Variants in OSBPL6 observed in about 807,000 individuals in gnomAD.
The protein encoded by OSBPL6 is oxysterol-binding protein-related protein 6.
Under a neutral mutation model 125.8 loss-of-function variants are expected in OSBPL6, and 49 were observed. The observed-to-expected ratio is 0.39, with a 90% CI of 0.31 to 0.49. The LOEUF (loss-of-function observed/expected upper bound fraction) is 0.49, where lower values mean the gene tolerates loss of function less well. OSBPL6 is among the 20% of genes least tolerant of loss of function. OSBPL6 has a pLI of 0.88. For missense variants in OSBPL6, 986 were observed against 1,135.4 expected (o/e 0.87, Z 1.89); for synonymous variants, 394 against 391.8 (o/e 1.01, Z -0.07).
At chr2:178,344,472 C>A in intron 11 of OSBPL6, 1 of 970,738 alleles carries the variant, frequency 1.0e-6, no homozygotes, top group Non-Finnish European at 1.6e-6. Flanking sequence ...CACCTGTAGC[C>A]CAATCATGGC....
At chr2:178,391,280 C>T (rs1695383698) in intron 22 of OSBPL6, 63 bp downstream of exon 22, 2 of 1,466,816 alleles carry the variant, frequency 1.4e-6, no homozygotes, top group South Asian at 1.5e-5. Context: ...GGGAAGAGAA[C>T]ATCAGGTCAT....
At chr2:178,361,637 T>C (rs1381909206) in intron 12 of OSBPL6, 45 bp from the exon 13 acceptor site, 1 of 1,605,518 alleles carries the variant, frequency 6.2e-7, no homozygotes, top group East Asian at 2.2e-5. Context: ...GTGTATTCTT[T>C]CTGCACATAT....
chr2:178,359,403 T>C (rs1254198002), intron 12 of OSBPL6, among the ~76,000 whole-genome samples: 1 of 152,136 alleles, frequency 6.6e-6, no homozygotes, highest in Non-Finnish European at 1.5e-5. Flanking sequence ...ACGAGACAAA[T>C]GTCGGCAAGG....
chr2:178,291,730 T>C (rs13423159), intron 2 of OSBPL6, among the ~76,000 whole-genome samples: 1 of 131,400 alleles, frequency 7.6e-6, no homozygotes, highest in African/African-American at 2.8e-5. Context: ...CCCTCCCTCC[T>C]TCCTTTCTTT....
intron 2 of OSBPL6, among the ~76,000 whole-genome samples, chr2:178,299,167 A>C (rs1290000855): frequency 6.6e-6 from 1 of 152,250 alleles, no homozygotes; most frequent in Non-Finnish European, 1.5e-5. Context: ...CCAAGTGATG[A>C]ATCAAAAAGT....
intron 5 of OSBPL6, among the ~76,000 whole-genome samples, chr2:178,330,657 C>T (rs1017358882): frequency 4.6e-5 from 7 of 152,236 alleles, no homozygotes; most frequent in Non-Finnish European, 8.8e-5. Context: ...CGAGGCCTGA[C>T]TGCCTGCCAT....
intron 20 of OSBPL6, 33 bp downstream of exon 20, chr2:178,387,172 G>A (rs1388253179): frequency 2.0e-6 from 3 of 1,507,950 alleles, no homozygotes; most frequent in African/African-American, 2.8e-5. Context: ...TTGGCCTCTT[G>A]TCTGCTTTTC....
intron 1 of OSBPL6, among the ~76,000 whole-genome samples, chr2:178,255,923 A>G (rs146006530): frequency 6.6e-5 from 10 of 152,318 alleles, no homozygotes; most frequent in African/African-American, 9.6e-5. Flanking sequence ...ATTGGAATCC[A>G]TTCAAACTTT....
At chr2:178,281,568 T>G (rs923661645) in intron 1 of OSBPL6, among the ~76,000 whole-genome samples, 16 of 152,172 alleles carry the variant, frequency 1.1e-4, no homozygotes, top group Non-Finnish European at 1.3e-4. Flanking sequence ...TTGTCAGAGA[T>G]CCCATAGTTG....
At chr2:178,377,210 G>T (rs13427758) in intron 15 of OSBPL6, among the ~76,000 whole-genome samples, 2,465 of 152,332 alleles carry the variant, frequency 0.016, 78 homozygotes, top group African/African-American at 0.056. Context: ...CATCTGCTTA[G>T]CTTCAGGAAA....
At chr2:178,389,860 A>G (rs536369104) in intron 21 of OSBPL6, among the ~76,000 whole-genome samples, 1 of 152,334 alleles carries the variant, frequency 6.6e-6, no homozygotes, top group Admixed American at 6.5e-5. Context: ...TAAACAGGTA[A>G]CATATTGGAG....
chr2:178,344,372 T>C, intron 11 of OSBPL6: 1 of 1,613,374 alleles, frequency 6.2e-7, no homozygotes, highest in South Asian at 1.1e-5. Context: ...TGAGTGGATT[T>C]CAATCTCAAG....
chr2:178,203,323 C>T (rs1384880930), intron 1 of OSBPL6, among the ~76,000 whole-genome samples: 4 of 152,108 alleles, frequency 2.6e-5, no homozygotes, highest in Non-Finnish European at 5.9e-5. Flanking sequence ...GGATTATAGG[C>T]TTATACCACT....
At chr2:178,318,122 G>A (rs544579341) in intron 3 of OSBPL6, among the ~76,000 whole-genome samples, 53 of 152,312 alleles carry the variant, frequency 3.5e-4, no homozygotes, top group African/African-American at 1.3e-3. Flanking sequence ...TTAAAAAGCT[G>A]TTTATTCCCA....
In OSBPL6 at chr2:178,253,962, G is replaced by A. The variant is rs529460636; in HGVS notation, c.-350-30965G>A. Among the ~76,000 whole-genome samples the A allele has an allele frequency of 1.1e-4, 16 of 152,298 alleles. No homozygotes were observed. The South Asian group carries it at 2.5e-3, about 24-fold the overall frequency. On this transcript the variant is annotated intron_variant, in intron 1 of 24. Transcript: ENST00000190611. ...ATGGCTTTATAAAGAAGAGAGACCT[G>A]AGGAAGCACATGCAGCTCCCTTGCT...
intron 1 of OSBPL6, among the ~76,000 whole-genome samples, chr2:178,260,391 A>T (rs1205975656): frequency 6.6e-6 from 1 of 152,088 alleles, no homozygotes; most frequent in Admixed American, 6.5e-5. Flanking sequence ...GTGTATGTGT[A>T]TGTGTATGTA....
Position 178,339,055 on chromosome 2 carries a change from T to A in OSBPL6, c.855T>A (p.Leu285=), listed in dbSNP as rs200139524. 1.4e-5 allele frequency: 22 copies of A among 1,613,328 alleles called. No individual in the cohort carries two copies. The African/African-American group carries it at 2.5e-4, about 19-fold the overall frequency. The change falls in exon 10 of 25, where the codon CTT becomes CTA. Residue 285 remains leucine (L), a synonymous_variant. Transcript: ENST00000190611. ...LSKLLQNLEI[L]QRTQSAPNFT... is the part of the protein sequence containing the mutation. ...AACTCCTGCAAAATTTGGAAATACT[T>A]CAGAGAACTCAGTCGGCACCTAACT...
At chr2:178,276,540 T>G (rs1006717819) in intron 1 of OSBPL6, among the ~76,000 whole-genome samples, 3 of 152,062 alleles carry the variant, frequency 2.0e-5, no homozygotes, top group African/African-American at 4.8e-5. Flanking sequence ...ACCCAGCTAA[T>G]TTTTGTATTT....
chr2:178,280,708 A>G (rs542099648), intron 1 of OSBPL6, among the ~76,000 whole-genome samples: 1 of 152,318 alleles, frequency 6.6e-6, no homozygotes, highest in South Asian at 2.1e-4. Context: ...TTAAACTCTA[A>G]CACACAGTGT....
Sources: allele counts gnomAD v4.1 joint callset (sites outside exome capture counted in the v4.1 genomes callset), GRCh38; gene constraint gnomAD v4.1.1; transcripts MANE v1.5; gene names NCBI Gene and HGNC (gene_info 2026-07-23, HGNC 2026-07-21).